CLEC18A: variants seen among roughly 807,000 people sequenced by gnomAD.
The protein encoded by CLEC18A is C-type lectin domain family 18 member A, also known as mannose receptor-like 1.
In CLEC18A, 5 loss-of-function variants were observed where a neutral mutation model predicts 24.0. The ratio of observed to expected loss-of-function variants is 0.21; its 90% CI spans 0.11 to 0.44. The LOEUF (loss-of-function observed/expected upper bound fraction) is 0.44, where lower values mean the gene tolerates loss of function less well. CLEC18A is among the 20% of genes least tolerant of loss of function. The pLI, the probability that CLEC18A is intolerant of heterozygous loss-of-function variation, is 0.99. For missense variants in CLEC18A, 83 were observed against 233.4 expected (o/e 0.36, Z 4.20); for synonymous variants, 29 against 100.1 (o/e 0.29, Z 4.24).
At chr16:69,946,805 T>A (rs1347797175), upstream of CLEC18A, among the ~76,000 whole-genome samples, 1 of 78,530 alleles carries the variant, frequency 1.3e-5, no homozygotes, top group Non-Finnish European at 2.3e-5. Flanking sequence ...CTGAGACCTT[T>A]ATTCTAGTAG....
upstream of CLEC18A, among the ~76,000 whole-genome samples, chr16:69,948,382 T>TTC: frequency 9.5e-6 from 1 of 105,030 alleles, no homozygotes; most frequent in East Asian, 3.3e-4. Context: ...ATGTTTTTTT[T>TTC]GTTTGTTTGT....
chr16:69,944,720 C>T, the CLEC18A span, among the ~76,000 whole-genome samples: 1 of 137,698 alleles, frequency 7.3e-6, no homozygotes, highest in Non-Finnish European at 1.5e-5. Context: ...CCTGTAGTCC[C>T]GGCTACTCGG....
At chr16:69,965,486 C>T (rs954666187), downstream of CLEC18A, among the ~76,000 whole-genome samples, 1 of 151,428 alleles carries the variant, frequency 6.6e-6, no homozygotes, top group Admixed American at 6.6e-5. Flanking sequence ...GCGCGCTGCC[C>T]GAGGCCGGGG....
chr16:69,966,460 C>T (rs1193943263), downstream of CLEC18A, among the ~76,000 whole-genome samples: 1 of 139,410 alleles, frequency 7.2e-6, no homozygotes, highest in Non-Finnish European at 1.6e-5. Context: ...GATGGTGATG[C>T]GAATGACCTC....
downstream of CLEC18A, among the ~76,000 whole-genome samples, chr16:69,965,511 C>T (rs1227354561): frequency 5.3e-5 from 8 of 151,442 alleles, no homozygotes; most frequent in South Asian, 6.3e-4. Context: ...GTGGGGACAG[C>T]ACAGGCGGGG....
chr16:69,955,973 C>T (rs184167884), intron 3 of CLEC18A, among the ~76,000 whole-genome samples: 6,985 of 151,586 alleles, frequency 0.046, 266 homozygotes, highest in South Asian at 0.12. Context: ...AGGCTGGGTG[C>T]GGTGGCTCAC....
downstream of CLEC18A, among the ~76,000 whole-genome samples, chr16:69,964,643 A>G (rs906066633): frequency 4.7e-5 from 7 of 149,732 alleles, no homozygotes; most frequent in Admixed American, 2.0e-4. Flanking sequence ...GGGACTACAG[A>G]CGCCCGCCAC....
chr16:69,964,905 G>A (rs1209451875), downstream of CLEC18A, among the ~76,000 whole-genome samples: 1 of 151,898 alleles, frequency 6.6e-6, no homozygotes, highest in Non-Finnish European at 1.5e-5. Flanking sequence ...AGGCTCAAGC[G>A]ATCCTCCTGC....
downstream of CLEC18A, among the ~76,000 whole-genome samples, chr16:69,965,312 TGGGAGAC>T (rs1296870337): frequency 9.9e-3 from 1,500 of 151,742 alleles, no homozygotes; most frequent in Non-Finnish European, 0.015. Context: ...TCCTGCCCGG[TGGGAGAC>T]GGGAGGGCCC....
chr16:69,945,223 G>A, the CLEC18A span, among the ~76,000 whole-genome samples: 4 of 148,786 alleles, frequency 2.7e-5, no homozygotes, highest in Admixed American at 1.3e-4. Flanking sequence ...CCAGGAATTC[G>A]AGGCTACTCA....
chr16:69,945,222 C>T, the CLEC18A span, among the ~76,000 whole-genome samples: 1,450 of 148,846 alleles, frequency 9.7e-3, 1 homozygote, highest in Admixed American at 0.073. Flanking sequence ...CCCAGGAATT[C>T]GAGGCTACTC....
upstream of CLEC18A, among the ~76,000 whole-genome samples, chr16:69,946,172 G>C (rs1461988445): frequency 1.0e-5 from 1 of 96,416 alleles, no homozygotes; most frequent in Non-Finnish European, 2.1e-5. Flanking sequence ...TACATGGGAG[G>C]CTGAGGCAGG....
chr16:69,944,761 G>A, the CLEC18A span, among the ~76,000 whole-genome samples: 7 of 119,110 alleles, frequency 5.9e-5, 1 homozygote, highest in Non-Finnish European at 1.2e-4. Flanking sequence ...GTGTAAACCC[G>A]GGAGGCGGAG....
rs2059004286 is a variant in CLEC18A, at chr16:69,954,478, G to T, written c.361G>T (p.Val121Phe). Reference protein sequence around the residue: ...QLLPAGLVSFVEVVSLWFAEG... With the variant: ...QLLPAGLVSFFEVVSLWFAEG... Reference sequence around the variant, plus strand: ...GCTACCCGCGGGCTTGGTGTCCTTTGTCGAAGTGGTCAGCCTATGGTTTGC... The same window carrying T: ...GCTACCCGCGGGCTTGGTGTCCTTTTTCGAAGTGGTCAGCCTATGGTTTGC... The change falls in exon 3 of 12, where the codon GTC becomes TTC. Residue 121 changes from valine to phenylalanine, a missense_variant. Transcript: ENST00000288040. The T allele has an allele frequency of 6.2e-7, 1 of 1,610,612 alleles. No individual in the cohort carries two copies. Among genetic ancestry groups the T allele is most frequent in the Non-Finnish European group, 8.5e-7 (1 of 1,178,012 alleles).
At chr16:69,956,583 C>T (rs1242056850) in intron 3 of CLEC18A, among the ~76,000 whole-genome samples, 1 of 54,672 alleles carries the variant, frequency 1.8e-5, no homozygotes, top group Admixed American at 1.8e-4. Context: ...TGGTCTTGAT[C>T]TCCTGACCTC....
intron 2 of CLEC18A, chr16:69,953,916 G>A (rs2058995068): frequency 3.1e-6 from 1 of 325,272 alleles, no homozygotes; most frequent in South Asian, 3.1e-5. Flanking sequence ...AGGGCAGAGA[G>A]GCGTGGCTGT....
chr16:69,957,081 C>A (rs1431648291), intron 3 of CLEC18A, among the ~76,000 whole-genome samples: 1 of 151,464 alleles, frequency 6.6e-6, no homozygotes, highest in African/African-American at 2.4e-5. Context: ...CTACTATATA[C>A]ATTTAAAGCT....
chr16:69,957,636 A>G (rs62053350), intron 3 of CLEC18A, among the ~76,000 whole-genome samples: 41,668 of 92,192 alleles, frequency 0.45, 8,928 homozygotes, highest in African/African-American at 0.62. Context: ...GGTCTAATGT[A>G]TGGTCCTCCT....
rs2059007905 is a variant in CLEC18A at position 69,954,580 on chromosome 16, G to C, written c.456+7G>C. The C allele has an allele frequency of 6.2e-7, 1 of 1,609,468 alleles. No individual in the cohort carries two copies. Among genetic ancestry groups the C allele is most frequent in the African/African-American group, 1.3e-5 (1 of 74,866 alleles). On this transcript the variant is annotated splice_region_variant and intron_variant, in intron 3 of 11. Transcript: ENST00000288040. ...CTGCACCCACTACACGCAGGTGAGT[G>C]TGCTGCAGGTGAGGCCAGTGTGCCA...
Sources: allele counts gnomAD v4.1 joint callset (sites outside exome capture counted in the v4.1 genomes callset), GRCh38; gene constraint gnomAD v4.1.1; transcripts MANE v1.5; gene names NCBI Gene and HGNC (gene_info 2026-07-23, HGNC 2026-07-21).